Variants in NIPSNAP2 observed in about 807,000 individuals in gnomAD.
NIPSNAP2 encodes the protein protein NipSnap homolog 2.
NIPSNAP2 carries 42 observed loss-of-function variants against 48.4 expected under a neutral mutation model. The observed-to-expected ratio is 0.87, with a 90% CI of 0.68 to 1.12. The LOEUF is 1.12. NIPSNAP2 is among the 50% of genes most tolerant of loss of function. The pLI is 0.00. For synonymous variants in NIPSNAP2, 158 were observed against 126.6 expected, an observed-to-expected ratio of 1.25 and a Z score of -1.67; for missense variants, 314 against 347.3, an observed-to-expected ratio of 0.90 and a Z score of 0.76.
intron 1 of NIPSNAP2, among the ~76,000 whole-genome samples, chr7:55,977,164 G>T (rs1275137369): frequency 6.6e-6 from 1 of 151,980 alleles, no homozygotes; most frequent in Non-Finnish European, 1.5e-5. Flanking sequence ...GCTGAGGCAG[G>T]TGGATTGCCT....
chr7:55,973,509 T>C (rs1176061130), intron 1 of NIPSNAP2, among the ~76,000 whole-genome samples: 1 of 151,282 alleles, frequency 6.6e-6, no homozygotes, highest in Admixed American at 6.6e-5. Context: ...TGAGTCTTGC[T>C]GTGTAGCCCA....
chr7:55,969,180 G>A (rs12668504), intron 1 of NIPSNAP2, among the ~76,000 whole-genome samples: 28,183 of 152,162 alleles, frequency 0.19, 3,118 homozygotes, highest in East Asian at 0.35. Context: ...TGGGTTTGAA[G>A]TTTCTGGAAA....
chr7:55,998,821 G>A (rs1277164675), intron 9 of NIPSNAP2, among the ~76,000 whole-genome samples, 187 bp from the exon 10 acceptor site: 1 of 152,152 alleles, frequency 6.6e-6, no homozygotes, highest in African/African-American at 2.4e-5. Flanking sequence ...ATAGCATCTT[G>A]TAGGATGGCA....
chr7:55,993,140 A>G (rs1787484640), intron 7 of NIPSNAP2, among the ~76,000 whole-genome samples: 1 of 151,942 alleles, frequency 6.6e-6, no homozygotes, highest in African/African-American at 2.4e-5. Context: ...CTCTACTAAA[A>G]ATACAAAAAT....
chr7:55,978,029 A>G, intron 1 of NIPSNAP2, 97 bp from the exon 2 acceptor site: 1 of 1,387,038 alleles, frequency 7.2e-7, no homozygotes, highest in Non-Finnish European at 9.9e-7. Flanking sequence ...CAGGTTCTGG[A>G]ACGGTGCCTA....
intron 1 of NIPSNAP2, among the ~76,000 whole-genome samples, 169 bp from the exon 2 acceptor site, chr7:55,977,957 C>G (rs984462801): frequency 2.0e-5 from 3 of 152,178 alleles, no homozygotes; most frequent in Non-Finnish European, 2.9e-5. Flanking sequence ...TTACATTTTT[C>G]TTTGCTTCTG....
chr7:55,990,325 T>C (rs184895218), intron 7 of NIPSNAP2, among the ~76,000 whole-genome samples: 104 of 151,608 alleles, frequency 6.9e-4, no homozygotes, highest in Admixed American at 3.5e-3. Context: ...GCCTCCCAGG[T>C]TCACGCCATT....
chr7:55,969,316 TG>T (rs1321767409), intron 1 of NIPSNAP2, among the ~76,000 whole-genome samples: 1 of 152,038 alleles, frequency 6.6e-6, no homozygotes, highest in Non-Finnish European at 1.5e-5. Flanking sequence ...CTTCTTGGCA[TG>T]GGTCTGTCAA....
chr7:55,990,195 TTAACA>T (rs1787414245), intron 7 of NIPSNAP2, among the ~76,000 whole-genome samples: 2 of 151,970 alleles, frequency 1.3e-5, no homozygotes, highest in Non-Finnish European at 2.9e-5. Flanking sequence ...TCTTTGAAAC[TTAACA>T]TATTTCTGTA....
chr7:55,994,887 C>A lies in NIPSNAP2; in HGVS notation c.618-7C>A, dbSNP rs779295616. On this transcript the variant is annotated splice_region_variant and splice_polypyrimidine_tract_variant and intron_variant, in intron 7 of 9. Transcript: ENST00000322090. Reference sequence around the variant, plus strand: ...TGTCTTAAACAAACATCATCTCATTCTTACAGGGCTCGTGCAATCCGCTTC... The same window carrying A: ...TGTCTTAAACAAACATCATCTCATTATTACAGGGCTCGTGCAATCCGCTTC... 1 of 1,613,244 alleles carries A rather than the reference C, an allele frequency of 6.2e-7. No homozygotes were observed. The highest frequency in any genetic ancestry group is 8.5e-7 in the Non-Finnish European group (1 of 1,179,172).
chr7:55,980,570 G>A (rs1045726377), intron 3 of NIPSNAP2: 25 of 152,150 alleles, frequency 1.6e-4, no homozygotes, highest in African/African-American at 5.8e-4. Flanking sequence ...TTCAAAAAGT[G>A]TGCAGGTTTT....
At chr7:55,993,454 C>T (rs1250160498) in intron 7 of NIPSNAP2, among the ~76,000 whole-genome samples, 1 of 151,908 alleles carries the variant, frequency 6.6e-6, no homozygotes, top group Non-Finnish European at 1.5e-5. Context: ...TGGTGGGCGC[C>T]TGTAATCCCA....
In NIPSNAP2 at chr7:55,995,104, C is replaced by T. The variant is rs531355970; in HGVS notation, c.712+116C>T. 1.4e-4 allele frequency: 110 copies of T among 808,256 alleles called. No homozygotes were observed. The African/African-American group carries it at 1.6e-3, about 12-fold the overall frequency. 50.1% of individuals were successfully genotyped at this position (808,256 alleles called of 1,614,324 possible). A position where few individuals can be genotyped will look rare whatever the true frequency, so the allele number is the denominator to read the frequency against. ...TTAACCACTACAGCAAATCCGACGT[C>T]ACAGAGGGACAGTCTGTACGGGGCT... On this transcript the variant is annotated intron_variant, in intron 8 of 9. Transcript: ENST00000322090.
intron 7 of NIPSNAP2, 74 bp downstream of exon 7, chr7:55,984,952 G>T: frequency 4.1e-6 from 5 of 1,225,228 alleles, no homozygotes; most frequent in Non-Finnish European, 5.9e-6. Flanking sequence ...TTAATTCTAG[G>T]GAAAAAAATC....
In NIPSNAP2 at chr7:55,985,090, A is replaced by G. The variant is rs139168370; in HGVS notation, c.617+212A>G. Among the ~76,000 whole-genome samples the G allele has an allele frequency of 4.6e-5, 7 of 152,344 alleles. No individual in the cohort carries two copies. The East Asian group carries it at 7.7e-4, about 17-fold the overall frequency. ...CTTCCACATCCATCTCTTAGCTTCA[A>G]TAATTAACACATGGCCAATCTTGTT... On this transcript the variant is annotated intron_variant, in intron 7 of 9. Transcript: ENST00000322090.
Position 56,000,063 on chromosome 7 carries a change from A to G in NIPSNAP2, c.*991A>G, listed in dbSNP as rs1463913961. On this transcript the variant is annotated 3_prime_UTR_variant, in exon 10 of 10. Coordinates refer to ENST00000322090, the MANE Select transcript of NIPSNAP2 (RefSeq NM_001483.3). ...TGAAATGAACAATTGTCTGCCCCAC[A>G]ATCAAGAATGTATGTGTAAAGTGTG... is the stretch of plus-strand genomic sequence containing the variant. The G allele has an allele frequency of 1.3e-5, 2 of 152,646 alleles. No homozygotes were observed. Among genetic ancestry groups the G allele is most frequent in the African/African-American group, 2.4e-5 (1 of 41,458 alleles). 9.5% of individuals were successfully genotyped at this position (152,646 alleles called of 1,614,324 possible).
chr7:55,991,720 C>T (rs562821460), intron 7 of NIPSNAP2: 4 of 170,716 alleles, frequency 2.3e-5, no homozygotes, highest in Non-Finnish European at 3.4e-5. Flanking sequence ...TGTACTCCAC[C>T]GTGGGCAACA....
chr7:55,979,090 GCAAA>G (rs973274758), intron 3 of NIPSNAP2: 1 of 152,144 alleles, frequency 6.6e-6, no homozygotes, highest in African/African-American at 2.4e-5. Flanking sequence ...TCTTAAGAAA[GCAAA>G]CAATTTTGTC....
At chr7:55,973,410 GC>G (rs1787049383) in intron 1 of NIPSNAP2, among the ~76,000 whole-genome samples, 1 of 151,652 alleles carries the variant, frequency 6.6e-6, no homozygotes, top group African/African-American at 2.4e-5. Context: ...GTGAAAACGT[GC>G]TTTTATATTT....
Sources: gnomAD v4.1 joint callset for allele counts (sites outside exome capture counted in the v4.1 genomes callset) on GRCh38, gnomAD v4.1.1 for gene constraint, MANE v1.5 for transcripts, NCBI Gene and HGNC (gene_info 2026-07-23, HGNC 2026-07-21) for gene names.